LARGE1: variants seen among roughly 807,000 people sequenced by gnomAD.
LARGE1 encodes the protein xylosyl- and glucuronyltransferase LARGE1.
In LARGE1, 43 loss-of-function variants were observed where a neutral mutation model predicts 87.6. The ratio of observed to expected loss-of-function variants is 0.49; its 90% CI spans 0.38 to 0.63. The LOEUF (loss-of-function observed/expected upper bound fraction) is 0.63. Ranked by LOEUF, LARGE1 falls within the 30% of genes least tolerant of loss-of-function variation. The probability of loss-of-function intolerance (pLI) is 0.00; values close to 1 mark genes in which losing one functional copy is unlikely to be tolerated. For missense variants in LARGE1, 802 were observed against 1,000.2 expected, an observed-to-expected ratio of 0.80 and a Z score of 2.67; for synonymous variants, 434 against 394.6, an observed-to-expected ratio of 1.10 and a Z score of -1.18.
rs191083556 is a variant in LARGE1, at chr22:33,687,538, G to A, written c.107-36870C>T. ...GGCTGAGAACAACAGGGAGCACAGAGTAGGCACGAAGCAGACATTTGTTGA... is the reference window on the plus strand; with the variant it reads ...GGCTGAGAACAACAGGGAGCACAGAATAGGCACGAAGCAGACATTTGTTGA... On this transcript the variant is annotated intron_variant, in intron 2 of 14. Coordinates refer to ENST00000397394, the MANE Select transcript of LARGE1 (RefSeq NM_133642.5). Among the ~76,000 whole-genome samples the A allele has an allele frequency of 2.6e-5, 4 of 152,300 alleles. No individual in the cohort carries two copies. The East Asian group carries it at 7.7e-4, about 29-fold the overall frequency.
chr22:33,458,316 G>C (rs889542088), intron 6 of LARGE1, among the ~76,000 whole-genome samples: 3 of 152,120 alleles, frequency 2.0e-5, no homozygotes, highest in South Asian at 4.1e-4. Context: ...GTGTCAGCCA[G>C]GATGGTCTCG....
At chr22:33,437,890 T>A (rs1263681221) in intron 6 of LARGE1, among the ~76,000 whole-genome samples, 2 of 151,986 alleles carry the variant, frequency 1.3e-5, no homozygotes, top group Non-Finnish European at 2.9e-5. Context: ...GAATAATAAG[T>A]AGGGAGTAAT....
At chr22:33,257,815 A>C (rs963442243) in intron 11 of LARGE1, among the ~76,000 whole-genome samples, 2 of 152,204 alleles carry the variant, frequency 1.3e-5, no homozygotes, top group African/African-American at 4.8e-5. Context: ...GACCTACTAC[A>C]TGTTAGGAAC....
intron 11 of LARGE1, among the ~76,000 whole-genome samples, chr22:33,234,279 G>A (rs1250941533): frequency 1.3e-5 from 2 of 152,134 alleles, no homozygotes; most frequent in African/African-American, 4.8e-5. Context: ...CATATATCAT[G>A]CCCACTTACA....
the LARGE1 span, among the ~76,000 whole-genome samples, chr22:33,131,033 C>CAAAAAA: frequency 3.3e-3 from 234 of 70,870 alleles, 11 homozygotes; most frequent in East Asian, 0.011. Flanking sequence ...GACTCCGTCT[C>CAAAAAA]AAAAAAAAAA....
At chr22:33,601,247 T>C (rs1292904538) in intron 5 of LARGE1, among the ~76,000 whole-genome samples, 2 of 152,106 alleles carry the variant, frequency 1.3e-5, no homozygotes, top group African/African-American at 4.8e-5. Flanking sequence ...AAGAGACTAG[T>C]GTGAAAAACA....
intron 11 of LARGE1, among the ~76,000 whole-genome samples, chr22:33,261,302 T>C (rs1158591204): frequency 6.6e-6 from 1 of 152,172 alleles, no homozygotes; most frequent in African/African-American, 2.4e-5. Context: ...ATCTATTCTA[T>C]CTTTACGGAA....
At chr22:33,461,324 T>A (rs1392443216) in intron 6 of LARGE1, among the ~76,000 whole-genome samples, 1 of 152,088 alleles carries the variant, frequency 6.6e-6, no homozygotes, top group East Asian at 1.9e-4. Flanking sequence ...ATAAAATATG[T>A]CCCTAAATTC....
At chr22:33,702,855 T>C (rs2149375353) in intron 2 of LARGE1, among the ~76,000 whole-genome samples, 1 of 152,266 alleles carries the variant, frequency 6.6e-6, no homozygotes, top group African/African-American at 2.4e-5. Context: ...GAGGGGCAGA[T>C]TGCCAGAACA....
At chr22:33,442,720 T>C (rs2067522750) in intron 6 of LARGE1, among the ~76,000 whole-genome samples, 1 of 152,070 alleles carries the variant, frequency 6.6e-6, no homozygotes, top group Non-Finnish European at 1.5e-5. Context: ...ACAGCTGCCC[T>C]ATGAGCAGAG....
intron 9 of LARGE1, among the ~76,000 whole-genome samples, chr22:33,374,776 C>T (rs1419921890): frequency 6.6e-6 from 1 of 152,014 alleles, no homozygotes; most frequent in Non-Finnish European, 1.5e-5. Context: ...ATATAAAATT[C>T]TTAAAAATCT....
chr22:33,811,305 C>A (rs1475048845), intron 1 of LARGE1, among the ~76,000 whole-genome samples: 1 of 152,158 alleles, frequency 6.6e-6, no homozygotes, highest in Non-Finnish European at 1.5e-5. Context: ...AGTACAAGCA[C>A]ACACATTAAT....
chr22:33,208,875 T>C (rs1405559614), intron 11 of LARGE1, among the ~76,000 whole-genome samples: 2 of 152,238 alleles, frequency 1.3e-5, no homozygotes, highest in East Asian at 3.9e-4. Context: ...TCTAGCTTCA[T>C]CCATGTCCCT....
Position 33,274,350 on chromosome 22 carries a change from A to G in LARGE1, c.*77T>C. On this transcript the variant is annotated 3_prime_UTR_variant, in exon 15 of 15. Transcript: ENST00000397394. ...CCGAAAAAGCATGGCTCAATTTTGA[A>G]TTTGAAGGCCGGGCCCCAAACAGCG... 1 of 1,467,098 alleles carries G rather than the reference A, an allele frequency of 6.8e-7. No individual in the cohort carries two copies. Among genetic ancestry groups the G allele is most frequent in the Non-Finnish European group, 9.6e-7 (1 of 1,046,824 alleles). The allele number at this position is 1,467,098 out of a possible 1,614,324, so 90.9% of individuals were successfully genotyped here.
At position 33,689,470 on chromosome 22, in the gene LARGE1, G is replaced by C. The variant is rs565942303; in HGVS notation, c.107-38802C>G. Among the ~76,000 whole-genome samples, 774 of 152,294 alleles carry C rather than the reference G, an allele frequency of 5.1e-3. 7 individuals carry two copies. Among genetic ancestry groups the C allele is most frequent in the African/African-American group, 0.018 (749 of 41,560 alleles). On this transcript the variant is annotated intron_variant, in intron 2 of 14. Transcript: ENST00000397394. ...GCAAAAACCAAACAGGCAAGGAACAGGGTTAGGGGAGAAGTGATTTGGGGA... is the reference window on the plus strand; with the variant it reads ...GCAAAAACCAAACAGGCAAGGAACACGGTTAGGGGAGAAGTGATTTGGGGA...
intron 9 of LARGE1, among the ~76,000 whole-genome samples, chr22:33,349,435 T>C (rs757559635): frequency 2.0e-5 from 3 of 152,208 alleles, no homozygotes; most frequent in Non-Finnish European, 4.4e-5. Context: ...ACACGCTCCA[T>C]TCCCACATGA....
intron 6 of LARGE1, among the ~76,000 whole-genome samples, chr22:33,562,759 G>T (rs918669178): frequency 2.0e-5 from 3 of 152,212 alleles, no homozygotes; most frequent in South Asian, 2.1e-4. Flanking sequence ...ATTGCAAGCT[G>T]CAAGAGAATA....
chr22:33,799,987 C>T lies in LARGE1; in HGVS notation c.-82-38429G>A, dbSNP rs184805117. On this transcript the variant is annotated intron_variant, in intron 1 of 14. Coordinates refer to ENST00000397394, the MANE Select transcript of LARGE1 (RefSeq NM_133642.5). ...CCAGGAAATAGGGAAGAAGAAGATC[C>T]TCGCTGTCCCACGCACTTATGGCTT... Among the ~76,000 whole-genome samples, 3 of 152,278 alleles carry T rather than the reference C, an allele frequency of 2.0e-5. No homozygotes were observed. In the East Asian group the frequency reaches 5.8e-4, roughly 29 times the overall value.
intron 7 of LARGE1, among the ~76,000 whole-genome samples, chr22:33,428,431 A>T (rs1296723166): frequency 6.6e-6 from 1 of 150,588 alleles, no homozygotes; most frequent in African/African-American, 2.4e-5. Context: ...TCTCTGCCTC[A>T]GCCTCCCGAG....
Sources: allele counts gnomAD v4.1 joint callset (sites outside exome capture counted in the v4.1 genomes callset), GRCh38; gene constraint gnomAD v4.1.1; transcripts MANE v1.5; gene names NCBI Gene and HGNC (gene_info 2026-07-23, HGNC 2026-07-21).